Variants in ECT2 observed in about 807,000 individuals in gnomAD.
ECT2 encodes the protein protein ECT2.
A neutral mutation model predicts 116.9 loss-of-function variants in ECT2; 61 were observed. The ratio of observed to expected loss-of-function variants is 0.52; its 90% confidence interval spans 0.42 to 0.65. The LOEUF is 0.65. Ranked by LOEUF, ECT2 falls within the 30% of genes least tolerant of loss-of-function variation. ECT2 has a pLI of 0.00. For synonymous variants in ECT2, 358 were observed against 346.4 expected, an observed-to-expected ratio of 1.03 and a Z score of -0.37; for missense variants, 937 against 1,078.7, an observed-to-expected ratio of 0.87 and a Z score of 1.84.
At chr3:172,803,704 A>G (rs1203487566) in intron 20 of ECT2, among the ~76,000 whole-genome samples, 1 of 152,152 alleles carries the variant, frequency 6.6e-6, no homozygotes, top group East Asian at 1.9e-4. Context: ...CTGTCACTGG[A>G]AACTTTCTGT....
At position 172,755,595 on chromosome 3, in the gene ECT2, TG is replaced by T; in HGVS notation, c.303+21del. 3.2e-6 allele frequency: 4 copies of T among 1,247,882 alleles called. No individual in the cohort carries two copies. The highest frequency in any genetic ancestry group is 4.4e-6 in the Non-Finnish European group (4 of 909,268). 77.3% of individuals were successfully genotyped at this position (1,247,882 alleles called of 1,614,324 possible). ...AATATGGTAGGTCAAAGTAACTCATTGCATGTGGCATGCTGCACTTCCCTTG... is the reference window on the plus strand; with the variant it reads ...AATATGGTAGGTCAAAGTAACTCATTCATGTGGCATGCTGCACTTCCCTTG... On this transcript the variant is annotated intron_variant, in intron 4 of 24. Transcript: ENST00000392692.
intron 18 of ECT2, among the ~76,000 whole-genome samples, chr3:172,800,233 G>A (rs891972219): frequency 2.0e-5 from 3 of 152,174 alleles, no homozygotes; most frequent in Non-Finnish European, 4.4e-5. Flanking sequence ...CGTGGTAGCT[G>A]TTCTAATAAT....
At chr3:172,770,053 T>C (rs896051743) in intron 13 of ECT2, among the ~76,000 whole-genome samples, 3 of 152,190 alleles carry the variant, frequency 2.0e-5, no homozygotes, top group African/African-American at 7.2e-5. Flanking sequence ...GACTTCTTAC[T>C]TGATGGTCAT....
chr3:172,792,001 G>A (rs1724759186), intron 18 of ECT2, among the ~76,000 whole-genome samples: 1 of 152,084 alleles, frequency 6.6e-6, no homozygotes. Context: ...TTTCAATATT[G>A]TTGTATCTCA....
At chr3:172,802,755 GT>G in intron 19 of ECT2, 61 bp downstream of exon 19, 1 of 1,516,090 alleles carries the variant, frequency 6.6e-7, no homozygotes, top group African/African-American at 1.4e-5. Flanking sequence ...GGTTTCTGTG[GT>G]TTTAATATAA....
rs71162314 is a variant in ECT2, at chr3:172,806,651, G to GTT, written c.2245+800_2245+801dup. 8.6e-3 allele frequency among the ~76,000 whole-genome samples: 664 copies of GTT among 77,520 alleles called. 14 individuals are homozygous for GTT. Among genetic ancestry groups the GTT allele is most frequent in the African/African-American group, 0.032 (630 of 19,638 alleles). The allele number at this position is 77,520 out of a possible 152,430, so 50.9% of individuals were successfully genotyped here. ...ATGATTCTTTCTTTGTTTTTTGTGG[G>GTT]TTTTTTTTTTTTTTTTTTTGAGATG... On this transcript the variant is annotated intron_variant, in intron 21 of 24. Coordinates refer to ENST00000392692, the MANE Select transcript of ECT2 (RefSeq NM_001258315.2).
intron 21 of ECT2, among the ~76,000 whole-genome samples, chr3:172,806,651 G>GTTT (rs71162314): frequency 2.1e-4 from 16 of 77,544 alleles, no homozygotes; most frequent in African/African-American, 7.1e-4. Context: ...TTTTTTGTGG[G>GTTT]TTTTTTTTTT....
chr3:172,820,207 G>A lies in ECT2; in HGVS notation c.2715G>A (p.Thr905=), dbSNP rs1441408224. 6 of 1,609,776 alleles carry A rather than the reference G, an allele frequency of 3.7e-6. No individual in the cohort carries two copies. Among genetic ancestry groups the A allele is most frequent in the Non-Finnish European group, 5.1e-6 (6 of 1,177,490 alleles). The change falls in exon 25 of 25, where the codon ACG becomes ACA. Residue 905 remains threonine, a synonymous_variant. Transcript: ENST00000392692. The stretch of plus-strand genomic sequence containing the variant: ...CCTTCTTTGAAAGGAGAAGTCATAC[G>A]TTAAGTAGATCTACAACTCATTTGA... ...LPSFFERRSH[T]LSRSTTHLI
rs1419017177 is a variant in ECT2, at chr3:172,760,198, C to T, written c.619C>T (p.Arg207Ter). Reference protein sequence around the residue: ...TLVHHMGGVIRKDFNSKVTHL... With the variant: ...TLVHHMGGVI ...GGTCCATCACATGGGTGGAGTTATTCGAAAAGACTTTAATTCAAAAGTTAC... is the reference window on the plus strand; with the variant it reads ...GGTCCATCACATGGGTGGAGTTATTTGAAAAGACTTTAATTCAAAAGTTAC... The change falls in exon 7 of 25, where the codon CGA (arginine) becomes TGA (stop). Residue 207 changes from arginine to a stop codon, truncating the protein, a stop_gained. Transcript: ENST00000392692. LOFTEE classifies it high-confidence loss of function. 6.2e-7 allele frequency: 1 copy of T among 1,611,456 alleles called. No homozygotes were observed. Among genetic ancestry groups the T allele is most frequent in the Non-Finnish European group, 8.5e-7 (1 of 1,178,608 alleles).
Position 172,753,987 on chromosome 3 carries a change from G to A in ECT2, c.-22-522G>A, listed in dbSNP as rs373453440. 1.4e-4 allele frequency among the ~76,000 whole-genome samples: 22 copies of A among 152,288 alleles called. No individual in the cohort carries two copies. In the East Asian group the frequency reaches 1.5e-3, roughly 11 times the overall value. ...CTGATGGTAAAGTTGTGTGGAGCTG[G>A]TTTATTAGACCAAGTGACCATTGTG... On this transcript the variant is annotated intron_variant, in intron 1 of 24. Coordinates refer to ENST00000392692, the MANE Select transcript of ECT2 (RefSeq NM_001258315.2).
chr3:172,812,734 G>A (rs1309750448), intron 22 of ECT2, among the ~76,000 whole-genome samples: 2 of 152,112 alleles, frequency 1.3e-5, no homozygotes, highest in African/African-American at 4.8e-5. Context: ...ATATTTAAAT[G>A]TCAAAACATT....
Position 172,753,578 on chromosome 3 carries a change from C to T in ECT2, c.-22-931C>T, listed in dbSNP as rs112311737. On this transcript the variant is annotated intron_variant, in intron 1 of 24. Transcript: ENST00000392692. Reference sequence around the variant, plus strand: ...TTTTAAAGAATTATGAAAATACTGACAAGGGACCAGCCCAATTATACCGGA... The same window carrying T: ...TTTTAAAGAATTATGAAAATACTGATAAGGGACCAGCCCAATTATACCGGA... Among the ~76,000 whole-genome samples the T allele has an allele frequency of 3.9e-3, 594 of 152,284 alleles. 7 individuals are homozygous for T. Among genetic ancestry groups the T allele is most frequent in the Non-Finnish European group, 6.5e-3 (439 of 68,024 alleles).
chr3:172,789,563 A>C (rs1200956786), intron 18 of ECT2, among the ~76,000 whole-genome samples: 1 of 152,122 alleles, frequency 6.6e-6, no homozygotes, highest in African/African-American at 2.4e-5. Context: ...TTTTCCTTTC[A>C]TGAATGATTT....
At chr3:172,803,812 C>CT (rs71162313) in intron 20 of ECT2, among the ~76,000 whole-genome samples, 20,246 of 146,170 alleles carry the variant, frequency 0.14, 1,643 homozygotes, top group Non-Finnish European at 0.19. Flanking sequence ...TTTCGTTTTT[C>CT]TTTTTTTTTT....
intron 13 of ECT2, among the ~76,000 whole-genome samples, chr3:172,772,984 A>G (rs1370429729): frequency 6.6e-6 from 1 of 152,182 alleles, no homozygotes; most frequent in Non-Finnish European, 1.5e-5. Flanking sequence ...CCTCATGAAT[A>G]CCCATACAGT....
At chr3:172,797,539 T>C (rs1725952542) in intron 18 of ECT2, among the ~76,000 whole-genome samples, 1 of 152,224 alleles carries the variant, frequency 6.6e-6, no homozygotes, top group South Asian at 2.1e-4. Flanking sequence ...GCCTTAATTC[T>C]TTACTTGTGG....
At chr3:172,760,448 TTTC>T (rs1718021591) in intron 7 of ECT2, among the ~76,000 whole-genome samples, 185 bp downstream of exon 7, 1 of 152,046 alleles carries the variant, frequency 6.6e-6, no homozygotes, top group African/African-American at 2.4e-5. Flanking sequence ...TTTCTTTTCT[TTTC>T]TTTTTTTTTA....
intron 12 of ECT2, among the ~76,000 whole-genome samples, chr3:172,765,415 C>CT: frequency 6.6e-6 from 1 of 152,244 alleles, no homozygotes; most frequent in Admixed American, 6.5e-5. Flanking sequence ...CATTTGTATG[C>CT]TGATGACTCC....
downstream of ECT2, among the ~76,000 whole-genome samples, chr3:172,823,775 A>G (rs796429852): frequency 5.9e-5 from 9 of 152,308 alleles, no homozygotes; most frequent in South Asian, 1.4e-3. Flanking sequence ...GTTAAAGATC[A>G]TCAGAGGCTT....
Sources: gnomAD v4.1 joint callset for allele counts (sites outside exome capture counted in the v4.1 genomes callset) on GRCh38, gnomAD v4.1.1 for gene constraint, MANE v1.5 for transcripts, NCBI Gene and HGNC (gene_info 2026-07-23, HGNC 2026-07-21) for gene names.